The following TAF1 variants were observed in gnomAD, a reference collection of about 807,000 sequenced individuals.
TAF1 encodes the protein TATA-box binding protein associated factor 1, also known as transcription initiation factor TFIID subunit 1.
A neutral mutation model predicts 138.5 loss-of-function variants in TAF1; 2 were observed. The ratio of observed to expected loss-of-function variants is 0.01; its 90% confidence interval spans 0.01 to 0.05. TAF1 has a LOEUF of 0.05. TAF1 is among the 10% of genes least tolerant of loss of function. TAF1 has a pLI of 1.00. For missense variants in TAF1, 709 were observed against 1,478.0 expected (o/e 0.48, Z 8.53); for synonymous variants, 437 against 503.2 (o/e 0.87, Z 1.76).
At chrX:71,366,522 T>A in intron 1 of TAF1, 28 bp downstream of exon 1, 2 of 128,609 alleles carry the variant, frequency 1.6e-5, no homozygotes, top group Non-Finnish European at 2.5e-5. Flanking sequence ...GGGGTAGGGC[T>A]CGGGGGGTGG....
intron 20 of TAF1, 122 bp downstream of exon 20, chrX:71,393,116 T>G: frequency 9.3e-7 from 1 of 1,073,880 alleles, no homozygotes; most frequent in South Asian, 2.2e-5. Context: ...AAGCTAAGTC[T>G]TAGATATTGT....
At chrX:71,412,863 GGCATGAACCAC>G in intron 28 of TAF1, among the ~76,000 whole-genome samples, 1 of 112,510 alleles carries the variant, frequency 8.9e-6, no homozygotes, top group East Asian at 2.8e-4. Flanking sequence ...CGCGATTACA[GGCATGAACCAC>G]GCATTTGCTT....
chrX:71,472,906 T>C (rs1410568675), intron 13 of TAF1, among the ~76,000 whole-genome samples: 1 of 112,133 alleles, frequency 8.9e-6, no homozygotes, highest in African/African-American at 3.2e-5. Context: ...AGTTTTGATA[T>C]GTAGTGTCAT....
intron 2 of TAF1, 55 bp from the exon 3 acceptor site, chrX:71,367,999 C>T (rs2032693684): frequency 1.8e-6 from 2 of 1,121,116 alleles, no homozygotes; most frequent in Non-Finnish European, 2.5e-6. Context: ...TGGGAATTAT[C>T]TGAGGGAGTG....
At chrX:71,410,821 C>T (rs1448895633) in intron 28 of TAF1, among the ~76,000 whole-genome samples, 4 of 108,947 alleles carry the variant, frequency 3.7e-5, no homozygotes, top group Non-Finnish European at 5.7e-5. Context: ...CTTGCTGTGT[C>T]GCCCAGGCTG....
At chrX:71,372,610 G>T (rs1212777791) in intron 3 of TAF1, among the ~76,000 whole-genome samples, 1 of 107,014 alleles carries the variant, frequency 9.3e-6, no homozygotes, top group Non-Finnish European at 1.9e-5. Context: ...CTGTGCTCTA[G>T]CCTGGGCAAC....
intron 13 of TAF1, among the ~76,000 whole-genome samples, chrX:71,507,714 C>T (rs2039654163): frequency 9.0e-6 from 1 of 111,493 alleles, no homozygotes; most frequent in Admixed American, 9.6e-5. Context: ...CTCAGCCTCC[C>T]AAAGTGCTGG....
intron 13 of TAF1, among the ~76,000 whole-genome samples, chrX:71,486,076 A>T (rs771897954): frequency 1.8e-5 from 2 of 109,603 alleles, no homozygotes; most frequent in Admixed American, 9.9e-5. Context: ...CCTGGGTTCA[A>T]GCGATTCTCG....
intron 3 of TAF1, among the ~76,000 whole-genome samples, chrX:71,373,259 C>T (rs1444025159): frequency 9.3e-6 from 1 of 107,926 alleles, no homozygotes; most frequent in Non-Finnish European, 1.9e-5. Context: ...CCTCTGCCTC[C>T]CCGGTTCAAG....
exon 15 of TAF1, chrX:71,529,785 C>A (rs397509359): frequency 3.1e-6 from 1 of 326,522 alleles, no homozygotes; most frequent in Non-Finnish European, 5.9e-6. Flanking sequence ...TGAGTCTCTT[C>A]GTCTCATCTC....
chrX:71,367,203 G>C (rs1328200814), intron 1 of TAF1, among the ~76,000 whole-genome samples: 1 of 112,482 alleles, frequency 8.9e-6, no homozygotes, highest in Admixed American at 9.4e-5. Context: ...CCCTCGTTCC[G>C]AGAACGACCG....
intron 3 of TAF1, among the ~76,000 whole-genome samples, chrX:71,374,401 A>G (rs1397871649): frequency 9.0e-6 from 1 of 111,505 alleles, no homozygotes; most frequent in Non-Finnish European, 1.9e-5. Context: ...GATATTATAT[A>G]TGTTATAGCA....
intron 24 of TAF1, 76 bp downstream of exon 24, chrX:71,398,813 C>T (rs767776211): frequency 3.7e-6 from 4 of 1,093,506 alleles, no homozygotes; most frequent in Admixed American, 3.6e-5. Context: ...CTTTTGATAT[C>T]CTCCTTTACT....
At chrX:71,436,227 T>G (rs906862335) in intron 32 of TAF1, among the ~76,000 whole-genome samples, 25 of 98,661 alleles carry the variant, frequency 2.5e-4, no homozygotes, top group African/African-American at 9.3e-4. Flanking sequence ...TTTTTTTTTT[T>G]TTTTTTGAGA....
chrX:71,394,781 G>A (rs1425319327), intron 22 of TAF1, among the ~76,000 whole-genome samples: 1 of 111,326 alleles, frequency 9.0e-6, no homozygotes, highest in Non-Finnish European at 1.9e-5. Context: ...ATAGGTGCAT[G>A]CCACCATGCC....
chrX:71,490,731 C>CTT (rs756329313), intron 13 of TAF1, among the ~76,000 whole-genome samples: 52 of 95,801 alleles, frequency 5.4e-4, no homozygotes, highest in African/African-American at 1.8e-3. Context: ...TTCATTTTCT[C>CTT]TTTTTTTTTT....
chrX:71,376,767 G>T (rs1219400019), intron 4 of TAF1, among the ~76,000 whole-genome samples, 183 bp from the exon 5 acceptor site: 1 of 111,299 alleles, frequency 9.0e-6, no homozygotes, highest in African/African-American at 3.3e-5. Context: ...GTGAGTTGGG[G>T]GACGATGGGA....
chrX:71,441,501 A>G (rs1383603568), intron 32 of TAF1, among the ~76,000 whole-genome samples: 1 of 111,493 alleles, frequency 9.0e-6, no homozygotes, highest in Non-Finnish European at 1.9e-5. Flanking sequence ...TATAATTTAT[A>G]GTTATCAGAT....
chrX:71,389,826 C>G (rs1476071074), intron 18 of TAF1, 161 bp downstream of exon 18: 1 of 379,482 alleles, frequency 2.6e-6, no homozygotes, highest in East Asian at 4.8e-5. Context: ...TGCGATATAT[C>G]AAATATTATA....
Sources: allele counts gnomAD v4.1 joint callset (sites outside exome capture counted in the v4.1 genomes callset), GRCh38; gene constraint gnomAD v4.1.1; transcripts MANE v1.5; gene names NCBI Gene and HGNC (gene_info 2026-07-23, HGNC 2026-07-21).